Variants in PARD3B observed in about 807,000 individuals in gnomAD.
PARD3B encodes partitioning defective 3 homolog B.
PARD3B carries 103 observed loss-of-function variants against 130.2 expected under a neutral mutation model. The ratio of observed to expected loss-of-function variants is 0.79; its 90% CI spans 0.67 to 0.93. The LOEUF is 0.93. PARD3B is among the 40% of genes least tolerant of loss of function. The pLI, the probability that PARD3B is intolerant of heterozygous loss-of-function variation, is 0.00. For missense variants in PARD3B, 1,609 were observed against 1,499.2 expected, an observed-to-expected ratio of 1.07 and a Z score of -1.21; for synonymous variants, 583 against 553.2, an observed-to-expected ratio of 1.05 and a Z score of -0.76.
intron 16 of PARD3B, chr2:205,293,464 G>C (rs964574758): frequency 1.3e-5 from 2 of 151,952 alleles, no homozygotes; most frequent in Non-Finnish European, 2.9e-5. Flanking sequence ...GGTATACAAG[G>C]AGGAGCTGGA....
chr2:205,549,557 A>T (rs2052525745), intron 21 of PARD3B, among the ~76,000 whole-genome samples: 1 of 152,200 alleles, frequency 6.6e-6, no homozygotes, highest in African/African-American at 2.4e-5. Flanking sequence ...GTACTGTGTG[A>T]TACCAACTAT....
At chr2:204,663,671 T>C (rs1164586176) in intron 1 of PARD3B, among the ~76,000 whole-genome samples, 1 of 152,240 alleles carries the variant, frequency 6.6e-6, no homozygotes, top group African/African-American at 2.4e-5. Flanking sequence ...CTTTGAGCCT[T>C]ATTTTTCTTG....
intron 3 of PARD3B, among the ~76,000 whole-genome samples, chr2:205,034,926 A>G (rs1272532770): frequency 6.6e-6 from 1 of 152,000 alleles, no homozygotes; most frequent in African/African-American, 2.4e-5. Context: ...GTGCTATCTC[A>G]GCTTACTGCA....
At chr2:204,994,598 G>A (rs1196304731) in intron 3 of PARD3B, among the ~76,000 whole-genome samples, 19 of 151,324 alleles carry the variant, frequency 1.3e-4, no homozygotes, top group African/African-American at 2.4e-4. Flanking sequence ...TATTAGGTCC[G>A]CTTGGTGCAG....
At chr2:205,277,165 G>C (rs10490296) in intron 16 of PARD3B, among the ~76,000 whole-genome samples, 107,947 of 152,150 alleles carry the variant, frequency 0.71, 39,414 homozygotes, top group Admixed American at 0.8. Flanking sequence ...GCCGTTGATA[G>C]AAAAGTGACC....
rs565234351 is a variant in PARD3B at position 204,665,281 on chromosome 2, G to A, written c.121-20900G>A. On this transcript the variant is annotated intron_variant, in intron 1 of 22. Transcript: ENST00000406610. ...TATCTTTTGACCATATTATAGGTGG[G>A]GTCTCTGCCTGGGAATGACCCACCC... Among the ~76,000 whole-genome samples the A allele has an allele frequency of 1.5e-4, 23 of 152,148 alleles. No individual in the cohort carries two copies. The South Asian group carries it at 4.4e-3, about 29-fold the overall frequency.
chr2:205,517,835 T>G (rs1293264703), intron 21 of PARD3B, among the ~76,000 whole-genome samples: 1 of 152,186 alleles, frequency 6.6e-6, no homozygotes, highest in Non-Finnish European at 1.5e-5. Context: ...TTAACTTCAT[T>G]ATTTGCCAAG....
chr2:204,801,267 T>C (rs1020082236), intron 2 of PARD3B, among the ~76,000 whole-genome samples: 1 of 152,224 alleles, frequency 6.6e-6, no homozygotes, highest in Non-Finnish European at 1.5e-5. Flanking sequence ...AGTCGTAGCT[T>C]GATGGGGACA....
In PARD3B at chr2:204,935,863, T is replaced by C. The variant is rs11894815; in HGVS notation, c.223-29289T>C. Among the ~76,000 whole-genome samples the C allele has an allele frequency of 7.8e-3, 1,181 of 152,288 alleles. 19 individuals are homozygous for C. Among genetic ancestry groups the C allele is most frequent in the African/African-American group, 0.026 (1,095 of 41,556 alleles). ...GTTCTGATAATTACAGGATTATAGA[T>C]GGAAAATCAGAGCTGATGGTAGGCT... is the stretch of plus-strand genomic sequence containing the variant. On this transcript the variant is annotated intron_variant, in intron 2 of 22. Transcript: ENST00000406610.
chr2:204,886,674 A>G (rs1362866602), intron 2 of PARD3B, among the ~76,000 whole-genome samples: 2 of 152,228 alleles, frequency 1.3e-5, no homozygotes, highest in Admixed American at 6.5e-5. Flanking sequence ...TGTGCAACAT[A>G]TGAAATCATG....
chr2:205,216,754 C>G (rs1353830043), intron 15 of PARD3B, among the ~76,000 whole-genome samples: 2 of 152,136 alleles, frequency 1.3e-5, no homozygotes, highest in Non-Finnish European at 2.9e-5. Context: ...TACTCTTTAT[C>G]AGTTAAAATA....
intron 7 of PARD3B, among the ~76,000 whole-genome samples, chr2:205,119,638 C>T (rs1180007916): frequency 6.6e-6 from 1 of 152,002 alleles, no homozygotes; most frequent in Non-Finnish European, 1.5e-5. Context: ...AAAAATTAGC[C>T]AGGCGTGGTG....
chr2:204,714,380 T>C (rs902563058), intron 2 of PARD3B, among the ~76,000 whole-genome samples: 3 of 152,212 alleles, frequency 2.0e-5, no homozygotes, highest in Non-Finnish European at 4.4e-5. Flanking sequence ...TTCATGTTCT[T>C]GTTTCCTTGT....
Position 205,473,336 on chromosome 2 carries a change from CAAACTT to C in PARD3B, c.3045-26556_3045-26551del, listed in dbSNP as rs1004575621. On this transcript the variant is annotated intron_variant, in intron 20 of 22. Transcript: ENST00000406610. The surrounding 1 kb of genome is among the most constrained non-coding windows in gnomAD (Gnocchi z 4.9). ...CATGGATCGTTATGAAAAATATAAACAAACTTAAAATTCTATTTATGATTCAGACAA... is the reference window on the plus strand; with the variant it reads ...CATGGATCGTTATGAAAAATATAAACAAAATTCTATTTATGATTCAGACAA... Among the ~76,000 whole-genome samples, 1 of 151,978 alleles carries C rather than the reference CAAACTT, an allele frequency of 6.6e-6. No homozygotes were observed. Among genetic ancestry groups the C allele is most frequent in the African/African-American group, 2.4e-5 (1 of 41,388 alleles).
At position 205,363,870 on chromosome 2, in the gene PARD3B, T is replaced by G. The variant is rs200590152; in HGVS notation, c.2631-37143T>G. Among the ~76,000 whole-genome samples the G allele has an allele frequency of 4.2e-3, 534 of 127,656 alleles. 12 individuals carry two copies. In the East Asian group the frequency reaches 0.064, roughly 15 times the overall value. 83.7% of individuals were successfully genotyped at this position (127,656 alleles called of 152,430 possible). A position where few individuals can be genotyped will look rare whatever the true frequency, so the allele number is the denominator to read the frequency against. ...TTTTTTTTTTTTTTTTTTCGCCATGTTGGCCAGGCTGGTCTTGAACTCCTG... is the reference window on the plus strand; with the variant it reads ...TTTTTTTTTTTTTTTTTTCGCCATGGTGGCCAGGCTGGTCTTGAACTCCTG... On this transcript the variant is annotated intron_variant, in intron 18 of 22. Transcript: ENST00000406610.
intron 2 of PARD3B, among the ~76,000 whole-genome samples, chr2:204,792,762 G>T (rs1172020518): frequency 6.6e-6 from 1 of 152,114 alleles, no homozygotes; most frequent in East Asian, 1.9e-4. Flanking sequence ...AAGGTCAGTG[G>T]TTTCTAATGC....
intron 3 of PARD3B, among the ~76,000 whole-genome samples, chr2:205,040,214 G>T (rs1318574315): frequency 6.6e-6 from 1 of 152,130 alleles, no homozygotes; most frequent in Non-Finnish European, 1.5e-5. Flanking sequence ...CACCCACCTT[G>T]GCCTCCCAAA....
rs751947350 is a variant in PARD3B, at chr2:205,021,630, TTCTCTC to T, written c.395-25935_395-25930del. Among the ~76,000 whole-genome samples the T allele has an allele frequency of 2.1e-5, 3 of 142,430 alleles. No individual in the cohort carries two copies. Among genetic ancestry groups the T allele is most frequent in the Non-Finnish European group, 3.1e-5 (2 of 65,020 alleles). 93.4% of individuals were successfully genotyped at this position (142,430 alleles called of 152,430 possible). A position where few individuals can be genotyped will look rare whatever the true frequency, so the allele number is the denominator to read the frequency against. ...TCTCTCTCTCTCTCTCCCTCTCTCT[TTCTCTC>T]TCTCTCTCTCTCTCTATATATATAT... On this transcript the variant is annotated intron_variant, in intron 3 of 22. Transcript: ENST00000406610. The surrounding 1 kb of genome is among the most constrained non-coding windows in gnomAD (Gnocchi z 4.5).
intron 18 of PARD3B, among the ~76,000 whole-genome samples, chr2:205,332,359 G>A (rs1008071956): frequency 7.9e-5 from 12 of 152,144 alleles, no homozygotes; most frequent in Non-Finnish European, 1.3e-4. Context: ...AGGTGTTAGA[G>A]ATGGACAGTT....
Sources: allele counts gnomAD v4.1 joint callset (sites outside exome capture counted in the v4.1 genomes callset), GRCh38; gene constraint gnomAD v4.1.1; non-coding constraint Gnocchi (gnomAD v3.1); transcripts MANE v1.5; gene names NCBI Gene and HGNC (gene_info 2026-07-23, HGNC 2026-07-21).